The following NUBPL variants were observed in gnomAD, a reference collection of about 807,000 sequenced individuals.
The protein encoded by NUBPL is NUBP iron-sulfur cluster assembly factor, mitochondrial.
Under a neutral mutation model 45.7 loss-of-function variants are expected in NUBPL, and 31 were observed. The observed-to-expected ratio is 0.68, with a 90% CI of 0.51 to 0.92. The LOEUF is 0.92. Among genes scored for constraint, NUBPL ranks in the 40% least tolerant of loss-of-function variants. NUBPL has a pLI of 0.00. For missense variants in NUBPL, 401 were observed against 398.7 expected (o/e 1.01, Z -0.05); for synonymous variants, 144 against 140.9 (o/e 1.02, Z -0.15).
chr14:31,669,030 T>C (rs2036507013), intron 4 of NUBPL, among the ~76,000 whole-genome samples: 1 of 152,222 alleles, frequency 6.6e-6, no homozygotes, highest in African/African-American at 2.4e-5. Flanking sequence ...AAAATGATTT[T>C]ATTTATTTTA....
intron 6 of NUBPL, among the ~76,000 whole-genome samples, chr14:31,713,962 A>G (rs922783321): frequency 1.3e-5 from 2 of 152,282 alleles, no homozygotes; most frequent in South Asian, 2.1e-4. Context: ...ACTCTTTTCC[A>G]TCAGCATTTA....
At chr14:31,681,694 T>C (rs1355282123) in intron 6 of NUBPL, among the ~76,000 whole-genome samples, 11 of 152,108 alleles carry the variant, frequency 7.2e-5, no homozygotes, top group African/African-American at 2.7e-4. Context: ...AATTTATCTC[T>C]TAGGCGTTGC....
At chr14:31,564,413 G>A (rs1323776765) in intron 2 of NUBPL, among the ~76,000 whole-genome samples, 1 of 151,744 alleles carries the variant, frequency 6.6e-6, no homozygotes, top group African/African-American at 2.4e-5. Flanking sequence ...GTAGGGGCAG[G>A]ATGCGGTGGC....
chr14:31,740,709 A>G (rs2038264520), intron 6 of NUBPL, among the ~76,000 whole-genome samples: 1 of 152,152 alleles, frequency 6.6e-6, no homozygotes, highest in Non-Finnish European at 1.5e-5. Flanking sequence ...CTAAAAAGTC[A>G]TTGCCAAACC....
rs59871107 is a variant in NUBPL, at chr14:31,640,614, C to CA, written c.383-32723dup. ...TGGGCGACAGAGTGAGACTCTGTCTCAAAAAAAAAAAAAAAAAAGAAACAC... is the reference window on the plus strand; with the variant it reads ...TGGGCGACAGAGTGAGACTCTGTCTCAAAAAAAAAAAAAAAAAAAGAAACAC... On this transcript the variant is annotated intron_variant, in intron 4 of 10. Coordinates refer to ENST00000281081, the MANE Select transcript of NUBPL (RefSeq NM_025152.3). Among the ~76,000 whole-genome samples, 691 of 96,894 alleles carry CA rather than the reference C, an allele frequency of 7.1e-3. 6 individuals carry two copies. The highest frequency in any genetic ancestry group is 0.016 in the Middle Eastern group (3 of 190). 63.6% of individuals were successfully genotyped at this position (96,894 alleles called of 152,430 possible).
intron 3 of NUBPL, among the ~76,000 whole-genome samples, chr14:31,576,542 T>C (rs2033722589): frequency 6.6e-6 from 1 of 152,220 alleles, no homozygotes; most frequent in South Asian, 2.1e-4. Context: ...ATTACAGGTA[T>C]GCACCACTAG....
intron 6 of NUBPL, among the ~76,000 whole-genome samples, chr14:31,781,156 T>C (rs2039185135): frequency 6.6e-6 from 1 of 152,204 alleles, no homozygotes; most frequent in South Asian, 2.1e-4. Flanking sequence ...AACAGAATCA[T>C]AGGTCACTGC....
At chr14:31,616,239 T>C (rs781434383) in intron 4 of NUBPL, among the ~76,000 whole-genome samples, 28 of 152,214 alleles carry the variant, frequency 1.8e-4, no homozygotes, top group Non-Finnish European at 4.0e-4. Context: ...GTAGGTTGCC[T>C]GTTCACTCTG....
At chr14:31,739,218 T>TTATA (rs35462177) in intron 6 of NUBPL, among the ~76,000 whole-genome samples, 1 of 139,492 alleles carries the variant, frequency 7.2e-6, no homozygotes, top group Non-Finnish European at 1.5e-5. Context: ...ATATATTATA[T>TTATA]TATATATATA....
intron 6 of NUBPL, among the ~76,000 whole-genome samples, chr14:31,738,228 G>A (rs2038204416): frequency 6.6e-6 from 1 of 152,170 alleles, no homozygotes; most frequent in Non-Finnish European, 1.5e-5. Flanking sequence ...GGGAGCTCTG[G>A]AAATTACTCA....
chr14:31,812,896 C>G (rs888455988), intron 7 of NUBPL, among the ~76,000 whole-genome samples: 2 of 152,068 alleles, frequency 1.3e-5, no homozygotes, highest in Admixed American at 6.6e-5. Flanking sequence ...GATTCTGATT[C>G]CATCCTAAGC....
intron 3 of NUBPL, among the ~76,000 whole-genome samples, chr14:31,590,448 G>A (rs1031570486): frequency 1.2e-4 from 19 of 152,222 alleles, no homozygotes; most frequent in African/African-American, 4.3e-4. Context: ...ATATGGAACT[G>A]TGGGTTTCAA....
intron 6 of NUBPL, among the ~76,000 whole-genome samples, chr14:31,758,640 A>G (rs2038728381): frequency 6.6e-6 from 1 of 152,178 alleles, no homozygotes; most frequent in Non-Finnish European, 1.5e-5. Flanking sequence ...AATATTTTCA[A>G]TTATATCTCC....
chr14:31,585,284 G>A (rs1323393418), intron 3 of NUBPL, among the ~76,000 whole-genome samples: 5 of 152,158 alleles, frequency 3.3e-5, no homozygotes, highest in African/African-American at 1.2e-4. Context: ...GAAAGTTTAC[G>A]AGTTTGTGTT....
At chr14:31,753,222 G>A (rs1595582206) in intron 6 of NUBPL, among the ~76,000 whole-genome samples, 1 of 152,210 alleles carries the variant, frequency 6.6e-6, no homozygotes, top group Admixed American at 6.5e-5. Context: ...GGTACATGTA[G>A]TGTCCAGTGG....
chr14:31,605,930 C>T (rs28536562), intron 4 of NUBPL, among the ~76,000 whole-genome samples: 20 of 134,148 alleles, frequency 1.5e-4, no homozygotes, highest in African/African-American at 4.2e-4. Flanking sequence ...TCCCTTCTCC[C>T]TCCTCCTCTT....
chr14:31,725,611 C>T (rs2037903459), intron 6 of NUBPL, among the ~76,000 whole-genome samples: 1 of 151,946 alleles, frequency 6.6e-6, no homozygotes, highest in Non-Finnish European at 1.5e-5. Flanking sequence ...ACTGCATTGA[C>T]TGCACCCCAT....
chr14:31,649,322 A>G (rs1349801309), intron 4 of NUBPL, among the ~76,000 whole-genome samples: 1 of 152,202 alleles, frequency 6.6e-6, no homozygotes, highest in African/African-American at 2.4e-5. Flanking sequence ...CTCATTTGAA[A>G]GGTTTGAGAA....
intron 7 of NUBPL, among the ~76,000 whole-genome samples, chr14:31,792,095 A>C (rs1299764134): frequency 1.3e-5 from 2 of 152,174 alleles, no homozygotes; most frequent in Non-Finnish European, 2.9e-5. Context: ...ACAGAGTTTA[A>C]AGCTTATGCT....
Sources: allele counts gnomAD v4.1 joint callset (sites outside exome capture counted in the v4.1 genomes callset), GRCh38; gene constraint gnomAD v4.1.1; transcripts MANE v1.5; gene names NCBI Gene and HGNC (gene_info 2026-07-23, HGNC 2026-07-21).